MARCHF1: variants seen among roughly 807,000 people sequenced by gnomAD.
MARCHF1 encodes the protein E3 ubiquitin-protein ligase MARCHF1.
MARCHF1 carries 40 observed loss-of-function variants against 54.2 expected under a neutral mutation model. The observed-to-expected ratio is 0.74, with a 90% CI of 0.57 to 0.96. The LOEUF is 0.96. Among genes scored for constraint, MARCHF1 ranks in the 40% least tolerant of loss-of-function variants. The pLI is 0.00. For missense variants in MARCHF1, 586 were observed against 656.5 expected, an observed-to-expected ratio of 0.89 and a Z score of 1.17; for synonymous variants, 236 against 236.3, an observed-to-expected ratio of 1.00 and a Z score of 0.01.
intron 4 of MARCHF1, among the ~76,000 whole-genome samples, chr4:163,822,731 C>T (rs990099380): frequency 1.3e-5 from 2 of 151,802 alleles, no homozygotes; most frequent in Admixed American, 6.6e-5. Flanking sequence ...TAGAAACATT[C>T]AAACTCTTTT....
intron 7 of MARCHF1, among the ~76,000 whole-genome samples, chr4:163,586,921 C>T (rs1740432071): frequency 6.6e-6 from 1 of 152,134 alleles, no homozygotes; most frequent in Non-Finnish European, 1.5e-5. Context: ...TAGGAAGAAG[C>T]ACACCTATTT....
At position 164,214,954 on chromosome 4, in the gene MARCHF1, A is replaced by G. The variant is rs558451671; in HGVS notation, c.-322-103292T>C. Reference sequence around the variant, plus strand: ...CCCGCCGCTCAAACCTCAGATGGGCAGGCTGTGGGGCTCTGACCCCACGGC... The same window carrying G: ...CCCGCCGCTCAAACCTCAGATGGGCGGGCTGTGGGGCTCTGACCCCACGGC... On this transcript the variant is annotated intron_variant, in intron 1 of 9. Coordinates refer to ENST00000514618, the MANE Select transcript of MARCHF1 (RefSeq NM_001394959.1). 6.6e-5 allele frequency among the ~76,000 whole-genome samples: 10 copies of G among 152,240 alleles called. 1 individual carries two copies. Among genetic ancestry groups the G allele is most frequent in the Admixed American group, 2.6e-4 (4 of 15,288 alleles).
chr4:163,671,195 T>C (rs114077826), intron 5 of MARCHF1, among the ~76,000 whole-genome samples: 325 of 152,344 alleles, frequency 2.1e-3, no homozygotes, highest in African/African-American at 7.6e-3. Context: ...TCACTATTTA[T>C]TGTTACAAAG....
intron 2 of MARCHF1, among the ~76,000 whole-genome samples, chr4:164,070,831 A>G (rs1353347578): frequency 6.6e-6 from 1 of 152,236 alleles, no homozygotes; most frequent in East Asian, 1.9e-4. Context: ...CTGTGTCCCA[A>G]AGAAAATTTC....
chr4:163,732,640 AGAG>A (rs1561046340), intron 4 of MARCHF1, among the ~76,000 whole-genome samples: 1 of 152,196 alleles, frequency 6.6e-6, no homozygotes, highest in Non-Finnish European at 1.5e-5. Context: ...CATTATGTAC[AGAG>A]GAGCAAAACT....
intron 3 of MARCHF1, among the ~76,000 whole-genome samples, chr4:163,962,337 TA>T (rs1752358728): frequency 1.3e-5 from 2 of 151,944 alleles, no homozygotes; most frequent in South Asian, 4.1e-4. Flanking sequence ...TAGGTTCTAG[TA>T]AACAATAAGA....
At chr4:164,274,789 G>T (rs1005492701) in intron 1 of MARCHF1, among the ~76,000 whole-genome samples, 1 of 144,080 alleles carries the variant, frequency 6.9e-6, no homozygotes, top group Non-Finnish European at 1.5e-5. Flanking sequence ...CCATTCTCCT[G>T]CCTCAGCCTC....
At chr4:163,904,058 T>C (rs1319616318) in intron 3 of MARCHF1, among the ~76,000 whole-genome samples, 1 of 152,242 alleles carries the variant, frequency 6.6e-6, no homozygotes, top group Non-Finnish European at 1.5e-5. Flanking sequence ...TAGACACTCT[T>C]ATTTTTCATT....
intron 1 of MARCHF1, among the ~76,000 whole-genome samples, chr4:164,287,543 C>T (rs1734181152): frequency 6.6e-6 from 1 of 152,140 alleles, no homozygotes; most frequent in Non-Finnish European, 1.5e-5. Flanking sequence ...GACTTTATCG[C>T]TCTTCCTAAT....
chr4:163,562,194 G>C (rs926693024), intron 8 of MARCHF1, among the ~76,000 whole-genome samples: 3 of 152,116 alleles, frequency 2.0e-5, no homozygotes, highest in African/African-American at 7.2e-5. Flanking sequence ...CTACTCCAGA[G>C]GCTGGGGCAG....
chr4:163,890,435 G>A (rs1750636600), intron 3 of MARCHF1, among the ~76,000 whole-genome samples: 2 of 152,178 alleles, frequency 1.3e-5, no homozygotes, highest in East Asian at 1.9e-4. Flanking sequence ...GAAAATAAGA[G>A]TGTGGACTTT....
At chr4:164,075,717 C>A (rs955405554) in intron 2 of MARCHF1, among the ~76,000 whole-genome samples, 1 of 152,120 alleles carries the variant, frequency 6.6e-6, no homozygotes, top group Non-Finnish European at 1.5e-5. Context: ...GGACATTTCC[C>A]AAATTGATTT....
chr4:163,982,386 C>T (rs1036707490), intron 3 of MARCHF1, among the ~76,000 whole-genome samples: 1 of 152,182 alleles, frequency 6.6e-6, no homozygotes, highest in Non-Finnish European at 1.5e-5. Flanking sequence ...GGTAAATGTG[C>T]TCTCAGCGCA....
At chr4:164,174,899 T>TTTTG (rs1730622703) in intron 1 of MARCHF1, among the ~76,000 whole-genome samples, 1 of 152,162 alleles carries the variant, frequency 6.6e-6, no homozygotes, top group African/African-American at 2.4e-5. Context: ...AAGAGAGTTT[T>TTTTG]TTTTGTTTTG....
chr4:164,317,374 C>T (rs1561000237), intron 1 of MARCHF1, among the ~76,000 whole-genome samples: 1 of 152,132 alleles, frequency 6.6e-6, no homozygotes, highest in African/African-American at 2.4e-5. Context: ...GGTAGAGTAG[C>T]ACCTCAAAGT....
At chr4:163,819,044 A>G (rs780124523) in intron 4 of MARCHF1, among the ~76,000 whole-genome samples, 1 of 152,100 alleles carries the variant, frequency 6.6e-6, no homozygotes, top group Non-Finnish European at 1.5e-5. Flanking sequence ...CATCATCAGC[A>G]TGGCCTCCAT....
At chr4:163,613,573 G>T in intron 5 of MARCHF1, 180 bp from the exon 6 acceptor site, 3 of 1,513,060 alleles carry the variant, frequency 2.0e-6, no homozygotes, top group Non-Finnish European at 2.6e-6. Context: ...AAACTTATTT[G>T]AGGAACCTGG....
At chr4:163,693,833 G>A (rs1744537366) in intron 5 of MARCHF1, among the ~76,000 whole-genome samples, 1 of 152,184 alleles carries the variant, frequency 6.6e-6, no homozygotes, top group Non-Finnish European at 1.5e-5. Flanking sequence ...TAGGGTTGCT[G>A]CTACTTGGGA....
At chr4:163,770,359 T>C (rs1479696519) in intron 4 of MARCHF1, among the ~76,000 whole-genome samples, 1 of 152,156 alleles carries the variant, frequency 6.6e-6, no homozygotes, top group Admixed American at 6.5e-5. Context: ...AGATTGTGTA[T>C]AGTAAATAAA....
Sources: gnomAD v4.1 joint callset for allele counts (sites outside exome capture counted in the v4.1 genomes callset) on GRCh38, gnomAD v4.1.1 for gene constraint, MANE v1.5 for transcripts, NCBI Gene and HGNC (gene_info 2026-07-23, HGNC 2026-07-21) for gene names.